Variants in HABP2 observed in about 807,000 individuals in gnomAD.
HABP2 encodes hyaluronan binding protein 2, also known as factor VII-activating protease.
HABP2 carries 65 observed loss-of-function variants against 66.5 expected under a neutral mutation model. The observed-to-expected ratio is 0.98, with a 90% confidence interval of 0.80 to 1.20. HABP2 has a LOEUF of 1.20. Ranked by LOEUF, HABP2 falls within the 50% of genes most tolerant of loss-of-function variation. The probability of loss-of-function intolerance (pLI) is 0.00; values close to 1 mark genes in which losing one functional copy is unlikely to be tolerated. For missense variants in HABP2, 786 were observed against 691.0 expected (o/e 1.14, Z -1.54); for synonymous variants, 263 against 253.9 (o/e 1.04, Z -0.34).
At chr10:113,572,820 T>C in intron 2 of HABP2, 1 of 295,394 alleles carries the variant, frequency 3.4e-6, no homozygotes, top group South Asian at 2.7e-5. Context: ...CTTGACACTG[T>C]GATAAATGAG....
Position 113,574,360 on chromosome 10 carries a change from AC to A in HABP2, c.181del (p.His61ThrfsTer129). 1 of 1,605,628 alleles carries A rather than the reference AC, an allele frequency of 6.2e-7. No individual in the cohort carries two copies. The highest frequency in any genetic ancestry group is 8.5e-7 in the Non-Finnish European group (1 of 1,172,088). ...GGAAGAGAACACCAGTAGCACACTT[AC>A]CCACGCTGAGAATCCTGACTGGTAC... is the stretch of plus-strand genomic sequence containing the variant. ...NQEENTSSTL[T>X]HAENPDWYYT... On this transcript the variant is annotated frameshift_variant, in exon 3 of 13. Coordinates refer to ENST00000351270, the MANE Select transcript of HABP2 (RefSeq NM_004132.5). LOFTEE classifies it high-confidence loss of function.
rs141729427 is a variant in HABP2 at position 113,588,992 on chromosome 10, T to C, written c.*623T>C. The stretch of plus-strand genomic sequence containing the variant: ...GACATGGCTCACAACAGCAGGGCCT[T>C]CTTCTTTTTGACGTGCAGAATCTCA... On this transcript the variant is annotated 3_prime_UTR_variant, in exon 13 of 13. Coordinates refer to ENST00000351270, the MANE Select transcript of HABP2 (RefSeq NM_004132.5). 22 of 1,608,216 alleles carry C rather than the reference T, an allele frequency of 1.4e-5. No homozygotes were observed. The highest frequency in any genetic ancestry group is 1.3e-4 in the East Asian group (6 of 44,814).
chr10:113,576,166 G>A (rs1351749140), intron 4 of HABP2, among the ~76,000 whole-genome samples, 162 bp downstream of exon 4: 1 of 152,204 alleles, frequency 6.6e-6, no homozygotes, highest in African/African-American at 2.4e-5. Context: ...CCTCTCACTG[G>A]ATCCTCACCC....
chr10:113,583,134 G>A, intron 9 of HABP2, 82 bp from the exon 10 acceptor site: 1 of 1,210,756 alleles, frequency 8.3e-7, no homozygotes, highest in East Asian at 2.3e-5. Context: ...AGGAGGCTGA[G>A]TCTGCAGAAG....
intron 1 of HABP2, among the ~76,000 whole-genome samples, chr10:113,553,928 A>C (rs1844944717): frequency 6.6e-6 from 1 of 152,176 alleles, no homozygotes; most frequent in Non-Finnish European, 1.5e-5. Context: ...GGGCATGGAA[A>C]GAGGACCTTG....
In HABP2 at chr10:113,589,079, G is replaced by A. The variant is rs576729792; in HGVS notation, c.*710G>A. The A allele has an allele frequency of 2.9e-5, 47 of 1,612,828 alleles. 1 individual carries two copies. The Middle Eastern group carries it at 1.2e-3, about 40-fold the overall frequency. On this transcript the variant is annotated 3_prime_UTR_variant, in exon 13 of 13. Transcript: ENST00000351270. ...CCAGCCTCCACTGCTTCTGCCCCCC[G>A]CTGCTGAAATCAAACATACCCCAAG...
At position 113,569,397 on chromosome 10, in the gene HABP2, C is replaced by T. The variant is rs546863074; in HGVS notation, c.106+1872C>T. On this transcript the variant is annotated intron_variant, in intron 2 of 12. Transcript: ENST00000351270. ...TTTAAAAACATCCCTGTTCAGTGTC[C>T]GACTTAACCTCTCACAGGGGTTGTG... 4.3e-4 allele frequency among the ~76,000 whole-genome samples: 65 copies of T among 152,306 alleles called. 2 individuals are homozygous for T. In the South Asian group the frequency reaches 0.013, roughly 30 times the overall value.
At chr10:113,576,585 A>G (rs1418932388) in intron 4 of HABP2, among the ~76,000 whole-genome samples, 1 of 152,202 alleles carries the variant, frequency 6.6e-6, no homozygotes, top group African/African-American at 2.4e-5. Flanking sequence ...CTAGGGGCTA[A>G]TTTTACCCCT....
intron 2 of HABP2, among the ~76,000 whole-genome samples, chr10:113,568,538 A>G (rs186719715): frequency 6.8e-4 from 104 of 152,306 alleles, no homozygotes; most frequent in African/African-American, 2.4e-3. Context: ...ATATATTGGC[A>G]TGGTGTGTGG....
Position 113,575,837 on chromosome 10 carries a change from A to AG in HABP2, c.224-54dup, listed in dbSNP as rs1419243659. ...GACTGAAATTTGATGAAAAATTTGG[A>AG]GGGGGGCGCTTCTCACCTGCCTTTC... is the stretch of plus-strand genomic sequence containing the variant. On this transcript the variant is annotated intron_variant, in intron 3 of 12. Coordinates refer to ENST00000351270, the MANE Select transcript of HABP2 (RefSeq NM_004132.5). 113 of 896,410 alleles carry AG rather than the reference A, an allele frequency of 1.3e-4. 3 individuals are homozygous for AG. The Middle Eastern group carries it at 2.3e-3, about 18-fold the overall frequency. The allele number at this position is 896,410 out of a possible 1,614,324, so 55.5% of individuals were successfully genotyped here. A position where few individuals can be genotyped will look rare whatever the true frequency, so the allele number is the denominator to read the frequency against.
intron 1 of HABP2, among the ~76,000 whole-genome samples, chr10:113,559,640 C>T (rs1845064980): frequency 6.6e-6 from 1 of 152,234 alleles, no homozygotes; most frequent in East Asian, 1.9e-4. Flanking sequence ...GGGTGGGCCC[C>T]AGGGATCTGT....
Position 113,585,955 on chromosome 10 carries a change from G to T in HABP2, c.1518+17G>T, listed in dbSNP as rs1222168483. On this transcript the variant is annotated intron_variant, in intron 12 of 12. Coordinates refer to ENST00000351270, the MANE Select transcript of HABP2 (RefSeq NM_004132.5). ...ACCTGCCAGGTCAGAGACTCCAAGTGGTGCTTGTGGTAGGAGAGGCTAGCA... is the reference window on the plus strand; with the variant it reads ...ACCTGCCAGGTCAGAGACTCCAAGTTGTGCTTGTGGTAGGAGAGGCTAGCA... 2.5e-6 allele frequency: 4 copies of T among 1,611,226 alleles called. No individual in the cohort carries two copies. The highest frequency in any genetic ancestry group is 3.4e-6 in the Non-Finnish European group (4 of 1,177,702).
chr10:113,553,041 A>G, upstream of HABP2: 2 of 948,284 alleles, frequency 2.1e-6, no homozygotes, highest in Admixed American at 1.8e-5. Context: ...ATCCTTGGAG[A>G]CTGACATTTT....
At chr10:113,573,184 C>T (rs145475961) in intron 2 of HABP2, among the ~76,000 whole-genome samples, 56 of 152,326 alleles carry the variant, frequency 3.7e-4, no homozygotes, top group African/African-American at 1.3e-3. Flanking sequence ...GCAAAGTCAA[C>T]CTGACTTTCT....
At chr10:113,587,346 A>T (rs76864704) in intron 12 of HABP2, among the ~76,000 whole-genome samples, 3,004 of 152,010 alleles carry the variant, frequency 0.02, 93 homozygotes, top group African/African-American at 0.069. Flanking sequence ...AACAAAAAAA[A>T]ACCTCATTCA....
Position 113,588,548 on chromosome 10 carries a change from T to G in HABP2, c.*179T>G. 1 of 549,418 alleles carries G rather than the reference T, an allele frequency of 1.8e-6. No individual in the cohort carries two copies. Among genetic ancestry groups the G allele is most frequent in the Non-Finnish European group, 3.2e-6 (1 of 313,308 alleles). The allele number at this position is 549,418 out of a possible 1,614,324, so 34.0% of individuals were successfully genotyped here. A position where few individuals can be genotyped will look rare whatever the true frequency, so the allele number is the denominator to read the frequency against. On this transcript the variant is annotated 3_prime_UTR_variant, in exon 13 of 13. Transcript: ENST00000351270. ...TTCCCAGACCAGCATTTGCACAATA[T>G]CACCAGGCTTCTTCTGCCTCCCTTG...
At chr10:113,583,403 G>A (rs752893021) in intron 10 of HABP2, 45 bp downstream of exon 10, 3 of 1,576,674 alleles carry the variant, frequency 1.9e-6, no homozygotes, top group Non-Finnish European at 2.6e-6. Flanking sequence ...TGTCCTGGGT[G>A]GATTTCTCTA....
chr10:113,567,784 A>G (rs1227219369), intron 2 of HABP2, among the ~76,000 whole-genome samples: 4 of 152,180 alleles, frequency 2.6e-5, no homozygotes, highest in Non-Finnish European at 4.4e-5. Context: ...AAAACCCTTG[A>G]TTTTATAAAG....
chr10:113,557,716 C>A (rs1266498853), intron 1 of HABP2, among the ~76,000 whole-genome samples: 1 of 152,226 alleles, frequency 6.6e-6, no homozygotes, highest in African/African-American at 2.4e-5. Flanking sequence ...AACAAACTCA[C>A]TGACAACAGT....
Sources: allele counts gnomAD v4.1 joint callset (sites outside exome capture counted in the v4.1 genomes callset), GRCh38; gene constraint gnomAD v4.1.1; transcripts MANE v1.5; gene names NCBI Gene and HGNC (gene_info 2026-07-23, HGNC 2026-07-21).